The following ABHD17A variants were observed in gnomAD, a reference collection of about 807,000 sequenced individuals.
The protein encoded by ABHD17A is abhydrolase domain containing 17A, depalmitoylase.
In ABHD17A, 10 loss-of-function variants were observed where a neutral mutation model predicts 26.8. That is an observed-to-expected ratio of 0.37 (90% CI 0.23 to 0.63). The LOEUF is 0.63. Among genes scored for constraint, ABHD17A ranks in the 30% least tolerant of loss-of-function variants. The probability of loss-of-function intolerance (pLI) is 0.61; values close to 1 mark genes in which losing one functional copy is unlikely to be tolerated. For synonymous variants in ABHD17A, 167 were observed against 210.9 expected (o/e 0.79, Z 1.80); for missense variants, 292 against 457.3 (o/e 0.64, Z 3.30).
rs1176565365 is a variant in ABHD17A, at chr19:1,880,865, C to A, written c.332+370G>T. 7 of 1,612,378 alleles carry A rather than the reference C, an allele frequency of 4.3e-6. No homozygotes were observed. The East Asian group carries it at 1.6e-4, about 36-fold the overall frequency. On this transcript the variant is annotated intron_variant, in intron 2 of 4. Coordinates refer to ENST00000292577, the MANE Select transcript of ABHD17A (RefSeq NM_001130111.2). The surrounding 1 kb of genome is among the most constrained non-coding windows in gnomAD (Gnocchi z 4.1). ...GCCCAGCCAGAAGGTAAAGGCTCGCCCTCTGGACTCAGATCTGGTCAGAAC... is the reference window on the plus strand; with the variant it reads ...GCCCAGCCAGAAGGTAAAGGCTCGCACTCTGGACTCAGATCTGGTCAGAAC...
Position 1,877,489 on chromosome 19 carries a change from C to A in ABHD17A, c.707+19G>T. 1 of 1,587,496 alleles carries A rather than the reference C, an allele frequency of 6.3e-7. No homozygotes were observed. The highest frequency in any genetic ancestry group is 8.5e-7 in the Non-Finnish European group (1 of 1,174,946). ...GGCCCGGGCCCCGCCCCGCCCCCGT[C>A]CCCGCCCGGGCCGCTCACTTAGGGA... On this transcript the variant is annotated intron_variant, in intron 4 of 4. Coordinates refer to ENST00000292577, the MANE Select transcript of ABHD17A (RefSeq NM_001130111.2).
intron 4 of ABHD17A, 23 bp from the exon 5 acceptor site, chr19:1,877,448 G>C: frequency 6.4e-7 from 1 of 1,565,942 alleles, no homozygotes; most frequent in Non-Finnish European, 8.6e-7. Flanking sequence ...CGTGGAGCCG[G>C]TGAGACTTCG....
Position 1,881,570 on chromosome 19 carries a change from G to T in ABHD17A, c.-4C>A. 6.3e-7 allele frequency: 1 copy of T among 1,587,808 alleles called. No individual in the cohort carries two copies. Among genetic ancestry groups the T allele is most frequent in the South Asian group, 1.1e-5 (1 of 89,572 alleles). ...CACTCAGCGACAGCCCATTCATGGC[G>T]GGCGCCGCCCAGGCCGGGCCTCCAC... On this transcript the variant is annotated 5_prime_UTR_variant, in exon 2 of 5. Transcript: ENST00000292577.
At chr19:1,881,052 C>G (rs574690470) in intron 2 of ABHD17A, 183 bp downstream of exon 2, 1 of 1,602,726 alleles carries the variant, frequency 6.2e-7, no homozygotes, top group Admixed American at 1.7e-5. Flanking sequence ...TCCTTGTCTG[C>G]GAGAGAAAAT....
chr19:1,878,832 C>G (rs1307439032), intron 3 of ABHD17A: 1 of 152,452 alleles, frequency 6.6e-6, no homozygotes, highest in Non-Finnish European at 1.5e-5. Flanking sequence ...ACCACTCAAA[C>G]GAACAGGACA....
intron 1 of ABHD17A, among the ~76,000 whole-genome samples, chr19:1,884,450 C>T (rs2012620284): frequency 6.6e-6 from 1 of 152,182 alleles, no homozygotes; most frequent in Admixed American, 6.5e-5. Flanking sequence ...CCCACCAATT[C>T]CGTTCCCACG....
At position 1,880,863 on chromosome 19, in the gene ABHD17A, G is replaced by A. The variant is rs569558225; in HGVS notation, c.332+372C>T. On this transcript the variant is annotated intron_variant, in intron 2 of 4. Transcript: ENST00000292577. This position sits in a 1 kb window ranked among gnomAD's most constrained non-coding sequence, Gnocchi z 4.1. Reference sequence around the variant, plus strand: ...TAGCCCAGCCAGAAGGTAAAGGCTCGCCCTCTGGACTCAGATCTGGTCAGA... The same window carrying A: ...TAGCCCAGCCAGAAGGTAAAGGCTCACCCTCTGGACTCAGATCTGGTCAGA... The A allele has an allele frequency of 6.5e-5, 105 of 1,611,886 alleles. 1 individual carries two copies. In the South Asian group the frequency reaches 8.4e-4, roughly 13 times the overall value.
At chr19:1,885,164 A>G (rs2012644954) in intron 1 of ABHD17A, among the ~76,000 whole-genome samples, 188 bp downstream of exon 1, 1 of 152,082 alleles carries the variant, frequency 6.6e-6, no homozygotes, top group African/African-American at 2.4e-5. Flanking sequence ...ATGGATGGGG[A>G]CAGGGCTTTC....
rs956470565 is a variant in ABHD17A at position 1,885,343 on chromosome 19, G to C, written c.-239+9C>G. On this transcript the variant is annotated intron_variant, in intron 1 of 4. Coordinates refer to ENST00000292577, the MANE Select transcript of ABHD17A (RefSeq NM_001130111.2). ...GCCGCGCCCGCCCCCGCCCCTGCCCGGCACTCACCACCCCGGCCCGCGCCC... is the reference window on the plus strand; with the variant it reads ...GCCGCGCCCGCCCCCGCCCCTGCCCCGCACTCACCACCCCGGCCCGCGCCC... 4.0e-5 allele frequency: 6 copies of C among 149,946 alleles called. No individual in the cohort carries two copies. Among genetic ancestry groups the C allele is most frequent in the Non-Finnish European group, 5.9e-5 (4 of 67,320 alleles). The allele number at this position is 149,946 out of a possible 1,614,324, so 9.3% of individuals were successfully genotyped here.
intron 1 of ABHD17A, 105 bp from the exon 2 acceptor site, chr19:1,881,909 C>G (rs1030032516): frequency 2.6e-5 from 7 of 270,668 alleles, no homozygotes; most frequent in African/African-American, 1.4e-4. Context: ...GGCATGGGCC[C>G]GGGGCCTGTC....
chr19:1,880,521 A>T lies in ABHD17A; in HGVS notation c.333-406T>A, dbSNP rs534629270. Among the ~76,000 whole-genome samples, 23 of 152,286 alleles carry T rather than the reference A, an allele frequency of 1.5e-4. No homozygotes were observed. The highest frequency in any genetic ancestry group is 8.3e-4 in the South Asian group (4 of 4,830). ...ACCTGGACCCCCGGGGATGGAGCGC[A>T]CAGGCCCACCTTTCAGGACCTTCCC... On this transcript the variant is annotated intron_variant, in intron 2 of 4. Coordinates refer to ENST00000292577, the MANE Select transcript of ABHD17A (RefSeq NM_001130111.2). This position sits in a 1 kb window ranked among gnomAD's most constrained non-coding sequence, Gnocchi z 4.1.
chr19:1,880,775 G>C lies in ABHD17A; in HGVS notation c.332+460C>G. 7.1e-7 allele frequency: 1 copy of C among 1,417,022 alleles called. No homozygotes were observed. Among genetic ancestry groups the C allele is most frequent in the Non-Finnish European group, 9.6e-7 (1 of 1,043,986 alleles). The allele number at this position is 1,417,022 out of a possible 1,614,324, so 87.8% of individuals were successfully genotyped here. On this transcript the variant is annotated intron_variant, in intron 2 of 4. Transcript: ENST00000292577. The surrounding 1 kb of genome is among the most constrained non-coding windows in gnomAD (Gnocchi z 4.1). The stretch of plus-strand genomic sequence containing the variant: ...ACGGGAGCTGCCCCAGGTGGTGCCA[G>C]GAGCAGGTGGCCAGGCTGGCCCTGC...
At position 1,881,795 on chromosome 19, in the gene ABHD17A, G is replaced by A. The variant is rs867374228; in HGVS notation, c.-229C>T. 1.8e-5 allele frequency: 10 copies of A among 553,766 alleles called. No individual in the cohort carries two copies. Among genetic ancestry groups the A allele is most frequent in the Admixed American group, 1.3e-4 (3 of 23,498 alleles). 34.3% of individuals were successfully genotyped at this position (553,766 alleles called of 1,614,324 possible). On this transcript the variant is annotated 5_prime_UTR_variant, in exon 2 of 5. In the 5' UTR this introduces an upstream ATG that the reference lacks. Coordinates refer to ENST00000292577, the MANE Select transcript of ABHD17A (RefSeq NM_001130111.2). ...CAACCACAGGTCTCCATGTCGTGCC[G>A]TGGGAAGCCCTGCGGGGGAACAGTG... is the stretch of plus-strand genomic sequence containing the variant.
At chr19:1,883,863 T>G (rs1425633632) in intron 1 of ABHD17A, 1 of 152,662 alleles carries the variant, frequency 6.6e-6, no homozygotes, top group Non-Finnish European at 1.5e-5. Context: ...ATTCCCTGGA[T>G]AGAGATCAAA....
rs1408461041 is a variant in ABHD17A at position 1,880,140 on chromosome 19, TCA to T, written c.333-27_333-26del. ...CCTGGGACAGGCCGAGAAGGGCCGT[TCA>T]CATCCTCGCTCCCAGCGCCCAGCTG... On this transcript the variant is annotated intron_variant, in intron 2 of 4. Transcript: ENST00000292577. This position sits in a 1 kb window ranked among gnomAD's most constrained non-coding sequence, Gnocchi z 4.1. The T allele has an allele frequency of 1.9e-6, 3 of 1,611,540 alleles. No homozygotes were observed. The highest frequency in any genetic ancestry group is 1.7e-6 in the Non-Finnish European group (2 of 1,179,382).
intron 1 of ABHD17A, among the ~76,000 whole-genome samples, chr19:1,884,635 A>G (rs1427460410): frequency 6.6e-6 from 1 of 152,124 alleles, no homozygotes; most frequent in African/African-American, 2.4e-5. Context: ...GAGGGCAGAC[A>G]AACGGGCCAG....
rs1418279199 is a variant in ABHD17A, at chr19:1,877,555, G to A, written c.660C>T (p.Val220=). 3 of 1,595,440 alleles carry A rather than the reference G, an allele frequency of 1.9e-6. No individual in the cohort carries two copies. Among genetic ancestry groups the A allele is most frequent in the East Asian group, 2.2e-5 (1 of 44,824 alleles). ...LHSPLTSGMR[V]AFPDTKKTYC... The stretch of plus-strand genomic sequence containing the variant: ...AGGTCTTCTTGGTGTCGGGGAAGGC[G>A]ACGCGCATGCCCGAGGTGAGCGGCG... The change falls in exon 4 of 5, where the codon GTC becomes GTT. Residue 220 remains valine (V), a synonymous_variant. Transcript: ENST00000292577.
Position 1,877,582 on chromosome 19 carries a change from G to A in ABHD17A, c.633C>T (p.His211=). 6.3e-7 allele frequency: 1 copy of A among 1,595,274 alleles called. No homozygotes were observed. The highest frequency in any genetic ancestry group is 1.3e-5 in the African/African-American group (1 of 74,928). Reference sequence around the variant, plus strand: ...CGCGCATGCCCGAGGTGAGCGGCGAGTGCAGCACCACCGCGGCACACTCGT... The same window carrying A: ...CGCGCATGCCCGAGGTGAGCGGCGAATGCAGCACCACCGCGGCACACTCGT... ...SRYECAAVVL[H]SPLTSGMRVA... is the part of the protein sequence containing the mutation. The change falls in exon 4 of 5, where the codon CAC becomes CAT. Residue 211 remains histidine, a synonymous_variant. Coordinates refer to ENST00000292577, the MANE Select transcript of ABHD17A (RefSeq NM_001130111.2).
In ABHD17A at chr19:1,881,762, G is replaced by A; in HGVS notation, c.-196C>T. On this transcript the variant is annotated 5_prime_UTR_variant, in exon 2 of 5. Transcript: ENST00000292577. ...ATCGCGGTCCAAGCCGAGCCCCAGG[G>A]AGCCTCGCAACCACAGGTCTCCATG... is the stretch of plus-strand genomic sequence containing the variant. 1.5e-6 allele frequency: 1 copy of A among 674,184 alleles called. No homozygotes were observed. Among genetic ancestry groups the A allele is most frequent in the South Asian group, 2.5e-5 (1 of 39,690 alleles). 41.8% of individuals were successfully genotyped at this position (674,184 alleles called of 1,614,324 possible).
Sources: allele counts gnomAD v4.1 joint callset (sites outside exome capture counted in the v4.1 genomes callset), GRCh38; gene constraint gnomAD v4.1.1; non-coding constraint Gnocchi (gnomAD v3.1); transcripts MANE v1.5; gene names NCBI Gene and HGNC (gene_info 2026-07-23, HGNC 2026-07-21).